The following MID1 variants were observed in gnomAD, a reference collection of about 807,000 sequenced individuals.
MID1 encodes the protein midline 1.
Under a neutral mutation model 40.4 loss-of-function variants are expected in MID1, and 7 were observed. The observed-to-expected ratio is 0.17, with a 90% confidence interval of 0.10 to 0.33. The LOEUF (loss-of-function observed/expected upper bound fraction) is 0.33. Ranked by LOEUF, MID1 falls within the 10% of genes least tolerant of loss-of-function variation. The probability of loss-of-function intolerance (pLI) is 1.00; values close to 1 mark genes in which losing one functional copy is unlikely to be tolerated. For missense variants in MID1, 367 were observed against 558.5 expected, an observed-to-expected ratio of 0.66 and a Z score of 3.46; for synonymous variants, 229 against 221.2, an observed-to-expected ratio of 1.04 and a Z score of -0.31.
At chrX:10,745,916 C>T (rs925672927) in intron 1 of MID1, among the ~76,000 whole-genome samples, 1 of 112,573 alleles carries the variant, frequency 8.9e-6, no homozygotes, top group Non-Finnish European at 1.9e-5. Flanking sequence ...CTGTGTGTTA[C>T]ACTGGGTTGT....
intron 1 of MID1, among the ~76,000 whole-genome samples, chrX:10,707,301 A>G (rs987466268): frequency 1.8e-5 from 2 of 111,207 alleles, no homozygotes; most frequent in Non-Finnish European, 3.8e-5. Flanking sequence ...GCGGAAGGGG[A>G]AGAAAGAATA....
At chrX:10,810,576 T>C (rs2044090656) in intron 1 of MID1, among the ~76,000 whole-genome samples, 1 of 111,566 alleles carries the variant, frequency 9.0e-6, no homozygotes. Flanking sequence ...GGTAATTTTA[T>C]ATTTAAATTT....
intron 4 of MID1, among the ~76,000 whole-genome samples, chrX:10,492,873 G>T (rs1386270261): frequency 8.9e-6 from 1 of 111,853 alleles, no homozygotes; most frequent in Non-Finnish European, 1.9e-5. Flanking sequence ...CATGTATTTG[G>T]GGTAGAACGA....
intron 1 of MID1, among the ~76,000 whole-genome samples, chrX:10,601,598 A>G (rs1181346111): frequency 9.0e-6 from 1 of 111,577 alleles, no homozygotes; most frequent in Non-Finnish European, 1.9e-5. Context: ...GCCTAGATTC[A>G]TGCTCTATAA....
rs1298757895 is a variant in MID1, at chrX:10,583,311, T to C, written c.-56-15708A>G. Among the ~76,000 whole-genome samples the C allele has an allele frequency of 3.6e-5, 4 of 112,380 alleles. No individual in the cohort carries two copies. The East Asian group carries it at 1.1e-3, about 31-fold the overall frequency. On this transcript the variant is annotated intron_variant, in intron 1 of 9. Coordinates refer to ENST00000317552, the MANE Select transcript of MID1 (RefSeq NM_000381.4). ...AAAGGATGACATGATAGAAGGTAGA[T>C]GGGTGGTGCAAATCTATGTTAGCTA...
In MID1 at chrX:10,455,088, A is replaced by G. The variant is rs779731371; in HGVS notation, c.1448-11T>C. The G allele has an allele frequency of 8.5e-7, 1 of 1,179,906 alleles. No homozygotes were observed. The highest frequency in any genetic ancestry group is 1.8e-5 in the South Asian group (1 of 56,254). ...GTTTAAATGGTTGGCCTGAAAACAA[A>G]TTCACAAAACAGAAAAAGGAAGAGG... On this transcript the variant is annotated splice_polypyrimidine_tract_variant and intron_variant, in intron 8 of 9. Transcript: ENST00000317552.
At chrX:10,682,085 C>T (rs1239528370) in intron 1 of MID1, among the ~76,000 whole-genome samples, 1 of 110,711 alleles carries the variant, frequency 9.0e-6, no homozygotes, top group South Asian at 3.9e-4. Context: ...ATGGGAGGAT[C>T]GCTTGAGCCC....
intron 7 of MID1, among the ~76,000 whole-genome samples, chrX:10,468,214 G>A (rs183157084): frequency 4.3e-4 from 48 of 112,108 alleles, no homozygotes; most frequent in Admixed American, 4.2e-3. Flanking sequence ...TTATAGGGTA[G>A]AAGGTGAGGG....
At chrX:10,539,901 T>C (rs1230383969) in intron 2 of MID1, among the ~76,000 whole-genome samples, 1 of 112,042 alleles carries the variant, frequency 8.9e-6, no homozygotes, top group African/African-American at 3.2e-5. Context: ...GGTGCCACCA[T>C]GCCTGGCTAA....
chrX:10,535,026 G>A (rs1399933707), intron 2 of MID1, among the ~76,000 whole-genome samples: 3 of 112,147 alleles, frequency 2.7e-5, no homozygotes, highest in African/African-American at 9.7e-5. Flanking sequence ...TAGTAGGACC[G>A]ACACTGCCTT....
At position 10,636,785 on chromosome X, in the gene MID1, G is replaced by GAGATATATATATATATATATAT. The variant is rs757390504; in HGVS notation, c.-186-16367_-186-16366insATATATATATATATATATATCT. 1.9e-3 allele frequency among the ~76,000 whole-genome samples: 83 copies of GAGATATATATATATATATATAT among 42,704 alleles called. 1 individual carries two copies. Among genetic ancestry groups the GAGATATATATATATATATATAT allele is most frequent in the South Asian group, 2.8e-3 (2 of 725 alleles). 37.1% of individuals were successfully genotyped at this position (42,704 alleles called of 115,157 possible). ...CAAACTGGGCCATTCCAACAATGGG[G>GAGATATATATATATATATATAT]ATATATATATATATATATATATATA... On this transcript the variant is annotated intron_variant, in intron 1 of 10. Coordinates refer to the MID1 transcript ENST00000380785.
chrX:10,496,963 AAG>A (rs1466233659), intron 3 of MID1, among the ~76,000 whole-genome samples: 1 of 112,636 alleles, frequency 8.9e-6, no homozygotes, highest in African/African-American at 3.2e-5. Flanking sequence ...TTAATGAACA[AAG>A]AGAAAAATTA....
At chrX:10,599,664 G>A (rs1935480528) in intron 1 of MID1, among the ~76,000 whole-genome samples, 1 of 112,355 alleles carries the variant, frequency 8.9e-6, no homozygotes, top group Middle Eastern at 4.6e-3. Context: ...AACTCATAGA[G>A]CTGCAAGGAG....
chrX:10,734,178 A>G (rs2043471678), intron 1 of MID1, among the ~76,000 whole-genome samples: 1 of 112,472 alleles, frequency 8.9e-6, no homozygotes, highest in Non-Finnish European at 1.9e-5. Context: ...AAAATGTGGT[A>G]CATACACACC....
chrX:10,817,427 AAGTAGG>A (rs2147156490), intron 1 of MID1, among the ~76,000 whole-genome samples: 1 of 111,434 alleles, frequency 9.0e-6, no homozygotes, highest in Admixed American at 9.5e-5. Flanking sequence ...TTCAGCAATG[AAGTAGG>A]AGTTTGGAAA....
intron 2 of MID1, among the ~76,000 whole-genome samples, chrX:10,550,915 T>C (rs776549059): frequency 4.5e-5 from 5 of 111,418 alleles, no homozygotes; most frequent in Non-Finnish European, 9.4e-5. Context: ...AAAGTGGAAT[T>C]AAACTCTATT....
intron 1 of MID1, among the ~76,000 whole-genome samples, chrX:10,692,766 A>G: frequency 1.8e-5 from 2 of 112,323 alleles, no homozygotes; most frequent in South Asian, 7.4e-4. Context: ...AGTGGCTACC[A>G]TATTGAACAG....
At chrX:10,610,401 C>T (rs760201577) in intron 1 of MID1, among the ~76,000 whole-genome samples, 6 of 111,869 alleles carry the variant, frequency 5.4e-5, no homozygotes, top group African/African-American at 1.6e-4. Flanking sequence ...ACACACTCCA[C>T]GTGACTAGTA....
At position 10,730,711 on chromosome X, in the gene MID1, A is replaced by G. The variant is rs773321317; in HGVS notation, c.-187+102843T>C. On this transcript the variant is annotated intron_variant, in intron 1 of 10. Coordinates refer to the MID1 transcript ENST00000380785. ...CTCAGCCTCCCGAGTAGCTGGGACT[A>G]CAGGCGCCCGCCACCACGCCCGGCT... Among the ~76,000 whole-genome samples, 661 of 108,982 alleles carry G rather than the reference A, an allele frequency of 6.1e-3. 10 individuals carry two copies. Among genetic ancestry groups the G allele is most frequent in the African/African-American group, 0.021 (621 of 29,894 alleles). The allele number at this position is 108,982 out of a possible 115,157, so 94.6% of individuals were successfully genotyped here.
Sources: gnomAD v4.1 joint callset for allele counts (sites outside exome capture counted in the v4.1 genomes callset) on GRCh38, gnomAD v4.1.1 for gene constraint, MANE v1.5 for transcripts, NCBI Gene and HGNC (gene_info 2026-07-23, HGNC 2026-07-21) for gene names.